The following ABCG2 variants were observed in gnomAD, a reference collection of about 807,000 sequenced individuals.
ABCG2 encodes ATP binding cassette subfamily G member 2 (JR blood group).
Under a neutral mutation model 73.5 loss-of-function variants are expected in ABCG2, and 80 were observed. That is an observed-to-expected ratio of 1.09 (90% CI 0.91 to 1.31). ABCG2 has a LOEUF of 1.31. Ranked by LOEUF, ABCG2 falls within the 50% of genes most tolerant of loss-of-function variation. The pLI, the probability that ABCG2 is intolerant of heterozygous loss-of-function variation, is 0.00. For missense variants in ABCG2, 796 were observed against 786.2 expected, an observed-to-expected ratio of 1.01 and a Z score of -0.15; for synonymous variants, 269 against 282.4, an observed-to-expected ratio of 0.95 and a Z score of 0.48.
chr4:88,174,476 C>T (rs369482222), intron 1 of ABCG2, among the ~76,000 whole-genome samples: 1 of 152,262 alleles, frequency 6.6e-6, no homozygotes, highest in African/African-American at 2.4e-5. Flanking sequence ...CAGCTTCATC[C>T]ATGTCCCTCC....
At position 88,213,745 on chromosome 4, in the gene ABCG2, C is replaced by T. The variant is rs181645712; in HGVS notation, c.-20+17249G>A. Among the ~76,000 whole-genome samples, 388 of 151,920 alleles carry T rather than the reference C, an allele frequency of 2.6e-3. 2 individuals carry two copies. Among genetic ancestry groups the T allele is most frequent in the Non-Finnish European group, 4.2e-3 (283 of 67,934 alleles). ...GTCTCCAGGCTAGAGTGCAGTGGTGCGATCTTGGCTCACTTCAACCTCCGC... is the reference window on the plus strand; with the variant it reads ...GTCTCCAGGCTAGAGTGCAGTGGTGTGATCTTGGCTCACTTCAACCTCCGC... On this transcript the variant is annotated intron_variant, in intron 1 of 15. Coordinates refer to the ABCG2 transcript ENST00000515655.
At chr4:88,199,037 C>T (rs1034547862) in intron 1 of ABCG2, among the ~76,000 whole-genome samples, 4 of 152,038 alleles carry the variant, frequency 2.6e-5, no homozygotes, top group Admixed American at 2.0e-4. Context: ...GGCGCAATCT[C>T]AGCTCACTGC....
At chr4:88,115,840 C>T (rs995893096) in intron 7 of ABCG2, among the ~76,000 whole-genome samples, 2 of 152,018 alleles carry the variant, frequency 1.3e-5, no homozygotes, top group African/African-American at 4.8e-5. Flanking sequence ...CTGAGTTCAC[C>T]GACAGAATGC....
intron 1 of ABCG2, among the ~76,000 whole-genome samples, chr4:88,229,201 G>A (rs1236630262): frequency 6.6e-6 from 1 of 152,216 alleles, no homozygotes; most frequent in East Asian, 1.9e-4. Context: ...AAGTCAGCGA[G>A]ACCAAGAACC....
rs371110604 is a variant in ABCG2, at chr4:88,212,703, G to A, written c.-20+18291C>T. ...GCTTTCTTTAGTCACCATACCTGCC[G>A]AAATTCCATGATCATTATAATTACA... On this transcript the variant is annotated intron_variant, in intron 1 of 15. Coordinates refer to the ABCG2 transcript ENST00000515655. Among the ~76,000 whole-genome samples the A allele has an allele frequency of 5.0e-3, 763 of 151,922 alleles. 4 individuals carry two copies. Among genetic ancestry groups the A allele is most frequent in the Non-Finnish European group, 8.9e-3 (606 of 67,986 alleles).
At chr4:88,115,256 C>CTCTCTCTCTCTCTCTATA (rs1309360818) in intron 7 of ABCG2, among the ~76,000 whole-genome samples, 198 bp from the exon 8 acceptor site, 7 of 69,866 alleles carry the variant, frequency 1.0e-4, no homozygotes, top group East Asian at 1.8e-3. Flanking sequence ...CTCTCTCTCT[C>CTCTCTCTCTCTCTCTATA]TATATATATA....
chr4:88,200,183 A>C (rs115232777), intron 1 of ABCG2, among the ~76,000 whole-genome samples: 10,444 of 151,962 alleles, frequency 0.069, 617 homozygotes, highest in East Asian at 0.32. Flanking sequence ...AAAATCAGCC[A>C]GGTGTGGTGA....
chr4:88,130,421 C>T (rs45603538), intron 5 of ABCG2, among the ~76,000 whole-genome samples: 6,080 of 151,792 alleles, frequency 0.04, 172 homozygotes, highest in Non-Finnish European at 0.063. Flanking sequence ...AAGCTTAGGG[C>T]TCCCACTGAT....
At chr4:88,212,821 G>C (rs775009199) in intron 1 of ABCG2, among the ~76,000 whole-genome samples, 11 of 152,118 alleles carry the variant, frequency 7.2e-5, no homozygotes, top group Non-Finnish European at 1.3e-4. Flanking sequence ...TGTCTCCCCT[G>C]CTCTGTGCCT....
chr4:88,198,022 T>A (rs1294765704), intron 1 of ABCG2, among the ~76,000 whole-genome samples: 24 of 132,486 alleles, frequency 1.8e-4, no homozygotes, highest in African/African-American at 6.7e-4. Flanking sequence ...GGAGCAAGAC[T>A]GTCTCCAAAA....
intron 10 of ABCG2, among the ~76,000 whole-genome samples, chr4:88,105,071 A>T (rs1335930656): frequency 6.6e-6 from 1 of 152,186 alleles, no homozygotes; most frequent in African/African-American, 2.4e-5. Flanking sequence ...ATCAATTACT[A>T]GCAAGTCTGG....
At position 88,108,404 on chromosome 4, in the gene ABCG2, C is replaced by T. The variant is rs187845533; in HGVS notation, c.1195-1138G>A. On this transcript the variant is annotated intron_variant, in intron 9 of 15. Transcript: ENST00000237612. ...AAAATTAGCCAGGCATGGTGGTGTA[C>T]GCCTGTAGTCCCAGCTACTCGGGAG... 1.4e-3 allele frequency among the ~76,000 whole-genome samples: 218 copies of T among 151,828 alleles called. 2 individuals are homozygous for T. The Middle Eastern group carries it at 0.017, about 12-fold the overall frequency.
At chr4:88,176,132 G>A (rs2110096395) in intron 1 of ABCG2, among the ~76,000 whole-genome samples, 1 of 151,070 alleles carries the variant, frequency 6.6e-6, no homozygotes, top group African/African-American at 2.4e-5. Context: ...TCTAATTTTT[G>A]TGTTTAATTA....
chr4:88,139,979 A>C lies in ABCG2; in HGVS notation c.17T>G (p.Val6Gly), dbSNP rs1388119295. ...TTGTGACACTGGGATAAAAACTTCG[A>C]CATTACTGGAAGACATCTGGAGAGT... MSSSN[V>G]EVFIPVSQGN... is the part of the protein sequence containing the mutation. Residue 6 changes from valine (V) to glycine (G), a missense_variant, in exon 2 of 16, where the codon GTC (valine) becomes GGC (glycine). Val to Gly is a moderately radical substitution (Grantham distance 109). Coordinates refer to ENST00000237612, the MANE Select transcript of ABCG2 (RefSeq NM_004827.3). 1.2e-6 allele frequency: 2 copies of C among 1,613,936 alleles called. No individual in the cohort carries two copies. Among genetic ancestry groups the C allele is most frequent in the African/African-American group, 2.7e-5 (2 of 74,928 alleles).
At chr4:88,139,658 A>T (rs571681896) in intron 2 of ABCG2, 135 bp downstream of exon 2, 1 of 699,994 alleles carries the variant, frequency 1.4e-6, no homozygotes, top group African/African-American at 1.8e-5. Context: ...AAAACAAATG[A>T]AAGCATGTGT....
intron 1 of ABCG2, among the ~76,000 whole-genome samples, chr4:88,220,891 C>A (rs990989057): frequency 2.6e-5 from 4 of 152,162 alleles, no homozygotes; most frequent in African/African-American, 9.7e-5. Flanking sequence ...TGTTTGCTTC[C>A]CCTTCTGCCA....
intron 2 of ABCG2, among the ~76,000 whole-genome samples, chr4:88,135,660 G>T (rs1235517626): frequency 6.6e-6 from 1 of 152,122 alleles, no homozygotes; most frequent in African/African-American, 2.4e-5. Context: ...AGGCTTTAAG[G>T]CTTCCCTGAA....
At chr4:88,151,607 G>C (rs1274307199) in intron 1 of ABCG2, among the ~76,000 whole-genome samples, 3 of 152,138 alleles carry the variant, frequency 2.0e-5, no homozygotes, top group Non-Finnish European at 2.9e-5. Flanking sequence ...GCGTGGTGGA[G>C]GGGCGCCGGT....
At chr4:88,160,288 ACGACTGTT>A (rs976267200), upstream of ABCG2, among the ~76,000 whole-genome samples, 3 of 152,086 alleles carry the variant, frequency 2.0e-5, no homozygotes, top group African/African-American at 7.2e-5. Flanking sequence ...CTGGCCGTTA[ACGACTGTT>A]TGCAAAAACT....
Sources: gnomAD v4.1 joint callset for allele counts (sites outside exome capture counted in the v4.1 genomes callset) on GRCh38, gnomAD v4.1.1 for gene constraint, MANE v1.5 for transcripts, NCBI Gene and HGNC (gene_info 2026-07-23, HGNC 2026-07-21) for gene names.